HIBADH: variants seen among roughly 807,000 people sequenced by gnomAD.
HIBADH encodes the protein 3-hydroxyisobutyrate dehydrogenase, mitochondrial.
In HIBADH, 25 loss-of-function variants were observed where a neutral mutation model predicts 36.1. The ratio of observed to expected loss-of-function variants is 0.69; its 90% CI spans 0.50 to 0.97. The LOEUF (loss-of-function observed/expected upper bound fraction) is 0.97. Among genes scored for constraint, HIBADH ranks in the 50% least tolerant of loss-of-function variants. The pLI is 0.00. For missense variants in HIBADH, 421 were observed against 418.0 expected (o/e 1.01, Z -0.06); for synonymous variants, 160 against 149.5 (o/e 1.07, Z -0.51).
chr7:27,577,764 G>A (rs1784734903), intron 4 of HIBADH, among the ~76,000 whole-genome samples: 1 of 152,048 alleles, frequency 6.6e-6, no homozygotes, highest in Non-Finnish European at 1.5e-5. Context: ...TAAGAATGTA[G>A]GTAAGCCTCC....
rs139404201 is a variant in HIBADH at position 27,608,210 on chromosome 7, T to C, written c.484+21161A>G. On this transcript the variant is annotated intron_variant, in intron 4 of 7. Coordinates refer to ENST00000265395, the MANE Select transcript of HIBADH (RefSeq NM_152740.4). ...ACTCTTTTAAAAGAAATCCACATCT[T>C]TCCTATCCCTGTAGGTAACCTAAGC... Among the ~76,000 whole-genome samples, 103 of 152,290 alleles carry C rather than the reference T, an allele frequency of 6.8e-4. No individual in the cohort carries two copies. In the East Asian group the frequency reaches 0.018, roughly 27 times the overall value.
intron 4 of HIBADH, among the ~76,000 whole-genome samples, chr7:27,605,630 C>T (rs1428746513): frequency 8.1e-6 from 1 of 123,512 alleles, no homozygotes; most frequent in East Asian, 2.6e-4. Flanking sequence ...ATGTTAAATG[C>T]TTATTTTACT....
intron 4 of HIBADH, among the ~76,000 whole-genome samples, chr7:27,610,332 G>A (rs1785302182): frequency 6.6e-6 from 1 of 152,078 alleles, no homozygotes; most frequent in African/African-American, 2.4e-5. Context: ...CCACATTCAA[G>A]GTAATAAACA....
chr7:27,575,733 G>GT (rs1784699825), intron 4 of HIBADH, among the ~76,000 whole-genome samples: 3 of 152,164 alleles, frequency 2.0e-5, no homozygotes, highest in Admixed American at 2.0e-4. Context: ...TGCACATGTT[G>GT]TTTTTTCCCT....
intron 7 of HIBADH, among the ~76,000 whole-genome samples, chr7:27,526,826 G>A (rs148608215): frequency 0.015 from 2,297 of 152,238 alleles, 49 homozygotes; most frequent in Non-Finnish European, 0.017. Flanking sequence ...AAAATGATGA[G>A]CAAAACAGCC....
chr7:27,633,235 T>C (rs1562652712), intron 2 of HIBADH, among the ~76,000 whole-genome samples: 1 of 152,146 alleles, frequency 6.6e-6, no homozygotes, highest in Non-Finnish European at 1.5e-5. Flanking sequence ...GCACTGTTAC[T>C]CACATCCCCC....
intron 6 of HIBADH, among the ~76,000 whole-genome samples, chr7:27,535,641 C>T (rs536548355): frequency 6.6e-6 from 1 of 152,060 alleles, no homozygotes; most frequent in East Asian, 1.9e-4. Flanking sequence ...AGGGTACTTT[C>T]AGGACCATAA....
intron 1 of HIBADH, among the ~76,000 whole-genome samples, chr7:27,653,047 T>C (rs1786225538): frequency 6.6e-6 from 1 of 151,958 alleles, no homozygotes; most frequent in African/African-American, 2.4e-5. Context: ...GAGGATTGCT[T>C]GAACATAGGG....
At chr7:27,589,583 A>G (rs924641462) in intron 4 of HIBADH, among the ~76,000 whole-genome samples, 1 of 152,242 alleles carries the variant, frequency 6.6e-6, no homozygotes, top group Non-Finnish European at 1.5e-5. Context: ...GCACAGAGAT[A>G]TTAAATAACT....
intron 2 of HIBADH, among the ~76,000 whole-genome samples, chr7:27,638,326 A>C (rs1293938684): frequency 7.3e-6 from 1 of 137,888 alleles, no homozygotes; most frequent in African/African-American, 2.6e-5. Context: ...AAAAAAAAAA[A>C]AAAACAAGCA....
chr7:27,559,679 CA>C (rs953782883), intron 4 of HIBADH, among the ~76,000 whole-genome samples: 4 of 152,078 alleles, frequency 2.6e-5, no homozygotes, highest in African/African-American at 9.7e-5. Context: ...TAGGGAATCA[CA>C]AAAACTATAT....
At chr7:27,597,480 A>C (rs1397087511) in intron 4 of HIBADH, among the ~76,000 whole-genome samples, 1 of 152,106 alleles carries the variant, frequency 6.6e-6, no homozygotes, top group African/African-American at 2.4e-5. Flanking sequence ...GCTCGGAGTC[A>C]ATAATCCTGT....
chr7:27,617,940 C>T (rs1002493937), intron 4 of HIBADH, among the ~76,000 whole-genome samples: 3 of 152,082 alleles, frequency 2.0e-5, no homozygotes, highest in African/African-American at 7.2e-5. Context: ...ATACTACTCC[C>T]CAGGAAAAAA....
At chr7:27,654,550 G>C (rs890346563) in intron 1 of HIBADH, among the ~76,000 whole-genome samples, 8 of 151,980 alleles carry the variant, frequency 5.3e-5, no homozygotes. Context: ...AGAAGACAGT[G>C]GTGCAACATT....
intron 2 of HIBADH, among the ~76,000 whole-genome samples, chr7:27,637,868 A>G (rs2128295411): frequency 6.6e-6 from 1 of 152,352 alleles, no homozygotes; most frequent in Admixed American, 6.5e-5. Context: ...ATACAGGAAT[A>G]CAGCTAACCA....
intron 2 of HIBADH, among the ~76,000 whole-genome samples, chr7:27,645,441 C>T (rs1644348697): frequency 8.0e-6 from 1 of 125,670 alleles, no homozygotes; most frequent in Non-Finnish European, 1.6e-5. Context: ...GCAGTGGTGG[C>T]AATCTCGGCT....
intron 4 of HIBADH, among the ~76,000 whole-genome samples, chr7:27,582,318 T>A (rs2128287646): frequency 6.6e-6 from 1 of 152,274 alleles, no homozygotes; most frequent in South Asian, 2.1e-4. Context: ...ATTCATATAT[T>A]TCATTGCAGA....
At chr7:27,632,783 C>T (rs1785769725) in intron 2 of HIBADH, among the ~76,000 whole-genome samples, 1 of 152,056 alleles carries the variant, frequency 6.6e-6, no homozygotes, top group African/African-American at 2.4e-5. Context: ...ACAGCATAAT[C>T]TTTGGTATAC....
intron 6 of HIBADH, among the ~76,000 whole-genome samples, chr7:27,537,527 G>A (rs974284593): frequency 1.3e-5 from 2 of 152,108 alleles, no homozygotes; most frequent in African/African-American, 4.8e-5. Flanking sequence ...AAGCAACTGA[G>A]TAAAGCATCC....
Sources: gnomAD v4.1 joint callset for allele counts (sites outside exome capture counted in the v4.1 genomes callset) on GRCh38, gnomAD v4.1.1 for gene constraint, MANE v1.5 for transcripts, NCBI Gene and HGNC (gene_info 2026-07-23, HGNC 2026-07-21) for gene names.